HIVEP2: variants seen among roughly 807,000 people sequenced by gnomAD.
HIVEP2 encodes the protein HIVEP zinc finger 2.
A neutral mutation model predicts 180.7 loss-of-function variants in HIVEP2; 14 were observed. That is an observed-to-expected ratio of 0.08 (90% CI 0.05 to 0.12). The LOEUF (loss-of-function observed/expected upper bound fraction) is 0.12. Among genes scored for constraint, HIVEP2 ranks in the 10% least tolerant of loss-of-function variants. The probability of loss-of-function intolerance (pLI) is 1.00; values close to 1 mark genes in which losing one functional copy is unlikely to be tolerated. For synonymous variants in HIVEP2, 1,184 were observed against 1,136.4 expected (o/e 1.04, Z -0.84); for missense variants, 2,579 against 3,008.5 (o/e 0.86, Z 3.34).
chr6:142,783,856 G>A (rs1775919796), intron 2 of HIVEP2, among the ~76,000 whole-genome samples: 1 of 152,076 alleles, frequency 6.6e-6, no homozygotes, highest in Non-Finnish European at 1.5e-5. Context: ...TGAAATGCTA[G>A]AGTTAAAACT....
intron 1 of HIVEP2, among the ~76,000 whole-genome samples, chr6:142,887,183 T>C (rs913567141): frequency 6.6e-6 from 1 of 152,136 alleles, no homozygotes; most frequent in Non-Finnish European, 1.5e-5. Flanking sequence ...AAAAATGAAA[T>C]TTAGAAACTG....
chr6:142,901,848 G>A (rs1477187812), intron 1 of HIVEP2, among the ~76,000 whole-genome samples: 3 of 152,072 alleles, frequency 2.0e-5, no homozygotes, highest in African/African-American at 4.8e-5. Context: ...TGAATCTATC[G>A]GTTTGAAAAA....
chr6:142,763,856 C>A (rs1775316365), intron 7 of HIVEP2, among the ~76,000 whole-genome samples: 1 of 152,094 alleles, frequency 6.6e-6, no homozygotes. Context: ...AAAAGAGAAA[C>A]AGATATGTTG....
rs767795855 is a variant in HIVEP2 at position 142,774,680 on chromosome 6, T to C, written c.59A>G (p.Asp20Gly). The C allele has an allele frequency of 1.9e-6, 3 of 1,614,110 alleles. No individual in the cohort carries two copies. The highest frequency in any genetic ancestry group is 1.3e-5 in the African/African-American group (1 of 74,942). The change falls in exon 5 of 10, where the codon GAT (aspartate) becomes GGT (glycine). Residue 20 changes from aspartate to glycine, a missense_variant. This residue lies in a region of HIVEP2 where 207 missense variants were observed against 210.1 expected (regional missense o/e 0.99). Transcript: ENST00000367603. The surrounding 1 kb of genome is among the most constrained non-coding windows in gnomAD (Gnocchi z 5.1). The part of the protein sequence containing the change: ...QKATSRSGET[D>G]KASGRWRQEQ... Reference sequence around the variant, plus strand: ...CTGTCTCCATCTACCTGATGCTTTATCAGTTTCTCCAGACCTTGAGGTAGC... The same window carrying C: ...CTGTCTCCATCTACCTGATGCTTTACCAGTTTCTCCAGACCTTGAGGTAGC...
At chr6:142,799,003 G>A (rs1323265368) in intron 2 of HIVEP2, among the ~76,000 whole-genome samples, 2 of 152,126 alleles carry the variant, frequency 1.3e-5, no homozygotes, top group African/African-American at 4.8e-5. Flanking sequence ...GTAGGTACTT[G>A]ACTTTTATTA....
intron 2 of HIVEP2, among the ~76,000 whole-genome samples, chr6:142,795,300 T>G (rs117133742): frequency 0.051 from 7,797 of 152,240 alleles, 273 homozygotes; most frequent in Middle Eastern, 0.11. Flanking sequence ...TGATGTTATT[T>G]GGAATCTCAC....
At chr6:142,829,444 G>A (rs1434660101) in intron 2 of HIVEP2, among the ~76,000 whole-genome samples, 1 of 152,058 alleles carries the variant, frequency 6.6e-6, no homozygotes, top group East Asian at 1.9e-4. Context: ...CTCTACCCAA[G>A]CAAACCCATA....
chr6:142,843,534 A>G (rs1562261025), intron 1 of HIVEP2, among the ~76,000 whole-genome samples: 1 of 152,192 alleles, frequency 6.6e-6, no homozygotes, highest in African/African-American at 2.4e-5. Flanking sequence ...AGAGAAAGAA[A>G]GAGCAGGCCA....
intron 1 of HIVEP2, among the ~76,000 whole-genome samples, chr6:142,847,591 G>T (rs897666600): frequency 9.2e-5 from 14 of 152,120 alleles, no homozygotes; most frequent in African/African-American, 3.1e-4. Flanking sequence ...AATCAATTCT[G>T]TTATAGTCAC....
chr6:142,777,116 G>A (rs535465820), intron 3 of HIVEP2, among the ~76,000 whole-genome samples: 36 of 152,032 alleles, frequency 2.4e-4, no homozygotes, highest in African/African-American at 2.4e-4. Flanking sequence ...CAATGTGTCC[G>A]TTTATCAAAA....
chr6:142,777,266 T>C (rs1775725711), intron 3 of HIVEP2, among the ~76,000 whole-genome samples: 1 of 152,158 alleles, frequency 6.6e-6, no homozygotes, highest in African/African-American at 2.4e-5. Flanking sequence ...AACTGAGGCA[T>C]TTAAAATAAA....
At chr6:142,765,405 C>T (rs546910644) in intron 6 of HIVEP2, among the ~76,000 whole-genome samples, 1 of 152,312 alleles carries the variant, frequency 6.6e-6, no homozygotes, top group African/African-American at 2.4e-5. Flanking sequence ...CATGTACAAA[C>T]ATACAACCCT....
In HIVEP2 at chr6:142,751,529, T is replaced by C. The variant is rs1774917657; in HGVS notation, c.*1578A>G. On this transcript the variant is annotated 3_prime_UTR_variant, in exon 10 of 10. Coordinates refer to ENST00000367603, the MANE Select transcript of HIVEP2 (RefSeq NM_006734.4). ...GAACACTCCTTAATGTAATTCAATATACAAACTTGGTTTCACAGAATTATA... is the reference window on the plus strand; with the variant it reads ...GAACACTCCTTAATGTAATTCAATACACAAACTTGGTTTCACAGAATTATA... The C allele has an allele frequency of 6.5e-6, 1 of 152,706 alleles. No homozygotes were observed. The highest frequency in any genetic ancestry group is 2.4e-5 in the African/African-American group (1 of 41,470). The allele number at this position is 152,706 out of a possible 1,614,324, so 9.5% of individuals were successfully genotyped here.
At position 142,770,911 on chromosome 6, in the gene HIVEP2, C is replaced by T. The variant is rs1038016578; in HGVS notation, c.3828G>A (p.Glu1276=). 1.2e-6 allele frequency: 2 copies of T among 1,614,214 alleles called. No homozygotes were observed. Among genetic ancestry groups the T allele is most frequent in the Non-Finnish European group, 1.7e-6 (2 of 1,180,040 alleles). ...KKPAEYAHTK[E]QTYPCYSGAS... ...CTCCTGAATAACATGGGTAGGTCTG[C>T]TCTTTCGTGTGTGCATACTCAGCAG... Residue 1276 remains glutamate, a synonymous_variant, in exon 5 of 10, where the codon GAG becomes GAA. Transcript: ENST00000367603. The surrounding 1 kb of genome is among the most constrained non-coding windows in gnomAD (Gnocchi z 4.7).
At chr6:142,836,155 T>C (rs1382321410) in intron 2 of HIVEP2, among the ~76,000 whole-genome samples, 3 of 152,178 alleles carry the variant, frequency 2.0e-5, no homozygotes, top group African/African-American at 4.8e-5. Flanking sequence ...AATTTTTTTT[T>C]CCAATTTTTC....
intron 3 of HIVEP2, among the ~76,000 whole-genome samples, chr6:142,781,669 T>C (rs1185089495): frequency 6.6e-6 from 1 of 152,192 alleles, no homozygotes; most frequent in Non-Finnish European, 1.5e-5. Flanking sequence ...AAGAAAATGA[T>C]ATTACAGGGA....
chr6:142,816,791 T>C (rs1776849554), intron 2 of HIVEP2, among the ~76,000 whole-genome samples: 1 of 152,240 alleles, frequency 6.6e-6, no homozygotes. Flanking sequence ...GCCAATGAGT[T>C]GTTCAAATAC....
chr6:142,940,082 A>C (rs1324424480), intron 1 of HIVEP2, among the ~76,000 whole-genome samples: 3 of 152,190 alleles, frequency 2.0e-5, no homozygotes, highest in Non-Finnish European at 4.4e-5. Flanking sequence ...GGGATACTTG[A>C]ATGTCTCAGC....
intron 1 of HIVEP2, among the ~76,000 whole-genome samples, chr6:142,844,642 G>A (rs1414397826): frequency 1.3e-5 from 2 of 152,006 alleles, no homozygotes; most frequent in East Asian, 1.9e-4. Context: ...AATGAATTAC[G>A]GCAAAACTGC....
Sources: allele counts gnomAD v4.1 joint callset (sites outside exome capture counted in the v4.1 genomes callset), GRCh38; gene constraint gnomAD v4.1.1; regional missense constraint gnomAD v4.1.1; non-coding constraint Gnocchi (gnomAD v3.1); transcripts MANE v1.5; gene names NCBI Gene and HGNC (gene_info 2026-07-23, HGNC 2026-07-21).